Variants in GRM7 observed in about 807,000 individuals in gnomAD.
GRM7 encodes the protein metabotropic glutamate receptor 7.
GRM7 carries 35 observed loss-of-function variants against 84.5 expected under a neutral mutation model. The observed-to-expected ratio is 0.41, with a 90% CI of 0.32 to 0.55. The LOEUF (loss-of-function observed/expected upper bound fraction) is 0.55, where lower values mean the gene tolerates loss of function less well. GRM7 is among the 20% of genes least tolerant of loss of function. GRM7 has a pLI of 0.19. For missense variants in GRM7, 1,003 were observed against 1,194.6 expected, an observed-to-expected ratio of 0.84 and a Z score of 2.36; for synonymous variants, 487 against 455.1, an observed-to-expected ratio of 1.07 and a Z score of -0.89.
chr3:7,740,468 G>C lies in GRM7; in HGVS notation c.*62G>C. The C allele has an allele frequency of 4.2e-6, 4 of 955,338 alleles. No homozygotes were observed. 59.2% of individuals were successfully genotyped at this position (955,338 alleles called of 1,614,324 possible). A position where few individuals can be genotyped will look rare whatever the true frequency, so the allele number is the denominator to read the frequency against. On this transcript the variant is annotated 3_prime_UTR_variant, in exon 10 of 10. Coordinates refer to ENST00000357716, the MANE Select transcript of GRM7 (RefSeq NM_000844.4). Reference sequence around the variant, plus strand: ...CCTCAGTTATTTTGTCACCCAACCTGGCATAGGACTCTTTGGTCCTACCCG... The same window carrying C: ...CCTCAGTTATTTTGTCACCCAACCTCGCATAGGACTCTTTGGTCCTACCCG...
At chr3:7,703,888 C>A (rs1328800015) in intron 9 of GRM7, among the ~76,000 whole-genome samples, 1 of 152,140 alleles carries the variant, frequency 6.6e-6, no homozygotes, top group Non-Finnish European at 1.5e-5. Flanking sequence ...AAATGATTAC[C>A]TATAAGCTGT....
chr3:7,091,855 C>T (rs1417566626), intron 1 of GRM7, among the ~76,000 whole-genome samples: 2 of 150,906 alleles, frequency 1.3e-5, no homozygotes, highest in Non-Finnish European at 2.9e-5. Context: ...GAAGTTTTTG[C>T]CTTAACACAA....
chr3:7,378,811 C>A (rs1472111622), intron 4 of GRM7, among the ~76,000 whole-genome samples: 2 of 152,130 alleles, frequency 1.3e-5, no homozygotes, highest in Non-Finnish European at 2.9e-5. Flanking sequence ...ACATTTGATT[C>A]ATCTATCTTT....
intron 2 of GRM7, among the ~76,000 whole-genome samples, chr3:7,264,795 C>T (rs1472730266): frequency 1.6e-4 from 6 of 38,026 alleles, no homozygotes; most frequent in South Asian, 1.6e-3. Context: ...TCCAGTACTG[C>T]GGTACTTCCA....
chr3:7,417,721 T>C (rs901630169), intron 5 of GRM7, among the ~76,000 whole-genome samples: 2 of 152,162 alleles, frequency 1.3e-5, no homozygotes, highest in African/African-American at 2.4e-5. Flanking sequence ...GGAAGTCTTA[T>C]TAATATAACA....
chr3:7,730,415 T>TGTCAGATACA (rs1702284305), intron 9 of GRM7, among the ~76,000 whole-genome samples: 3 of 152,204 alleles, frequency 2.0e-5, no homozygotes, highest in African/African-American at 7.2e-5. Context: ...TACATCCCTA[T>TGTCAGATACA]TGCCTAAAAC....
At chr3:7,412,130 A>G (rs1427170908) in intron 4 of GRM7, among the ~76,000 whole-genome samples, 1 of 151,914 alleles carries the variant, frequency 6.6e-6, no homozygotes, top group Admixed American at 6.6e-5. Flanking sequence ...TATGCCTATG[A>G]TGTGCCAGGA....
intron 5 of GRM7, among the ~76,000 whole-genome samples, chr3:7,438,535 C>T (rs1697151769): frequency 6.6e-6 from 1 of 152,008 alleles, no homozygotes; most frequent in African/African-American, 2.4e-5. Context: ...AAGGACAGTG[C>T]AGTACCTCTG....
chr3:7,024,994 C>G (rs1695925538), intron 1 of GRM7, among the ~76,000 whole-genome samples: 1 of 152,176 alleles, frequency 6.6e-6, no homozygotes, highest in South Asian at 2.1e-4. Context: ...GTGTTCCAAT[C>G]TGGACACTCT....
chr3:7,636,533 G>A (rs1386705041), intron 8 of GRM7: 1 of 207,970 alleles, frequency 4.8e-6, no homozygotes, highest in African/African-American at 2.3e-5. Flanking sequence ...CATAAGGAAA[G>A]TGACTTGGGA....
chr3:7,664,421 C>G (rs1559473326), intron 8 of GRM7, among the ~76,000 whole-genome samples: 1 of 152,174 alleles, frequency 6.6e-6, no homozygotes, highest in Non-Finnish European at 1.5e-5. Context: ...GTAAAGGGGT[C>G]AGACTTTTCT....
chr3:7,040,611 T>C (rs1696565058), intron 1 of GRM7, among the ~76,000 whole-genome samples: 1 of 151,832 alleles, frequency 6.6e-6, no homozygotes, highest in African/African-American at 2.4e-5. Flanking sequence ...CCTGTCTCTA[T>C]AAACTCTTAA....
chr3:7,080,113 C>G (rs932688961), intron 1 of GRM7, among the ~76,000 whole-genome samples: 1 of 151,994 alleles, frequency 6.6e-6, no homozygotes, highest in Non-Finnish European at 1.5e-5. Flanking sequence ...GTCTTTATTT[C>G]TCTCCTTCCC....
intron 7 of GRM7, among the ~76,000 whole-genome samples, chr3:7,490,174 A>G (rs1016934770): frequency 2.6e-5 from 4 of 152,172 alleles, no homozygotes; most frequent in Admixed American, 6.6e-5. Flanking sequence ...ATGAAAGATA[A>G]TATAATACAA....
intron 1 of GRM7, among the ~76,000 whole-genome samples, chr3:7,058,026 C>T (rs1697292769): frequency 6.6e-6 from 1 of 151,864 alleles, no homozygotes; most frequent in Admixed American, 6.6e-5. Flanking sequence ...AGTAAAATTT[C>T]CTGGAGCTAT....
At chr3:7,053,914 A>T (rs1369826047) in intron 1 of GRM7, among the ~76,000 whole-genome samples, 1 of 151,034 alleles carries the variant, frequency 6.6e-6, no homozygotes, top group Non-Finnish European at 1.5e-5. Context: ...TCAAATTTTG[A>T]TTGGGATTAT....
intron 9 of GRM7, chr3:7,691,373 C>G (rs1483902589): frequency 1.2e-5 from 8 of 648,266 alleles, no homozygotes; most frequent in Middle Eastern, 3.2e-4. Flanking sequence ...CATGTGCTAT[C>G]TTTTTCTCTG....
At position 6,877,822 on chromosome 3, in the gene GRM7, C is replaced by G. The variant is rs1017263519; in HGVS notation, c.519+15915C>G. ...CCTACACAGATATCACACACACACA[C>G]ACACACACACACACACACACACACA... On this transcript the variant is annotated intron_variant, in intron 1 of 9. Coordinates refer to ENST00000357716, the MANE Select transcript of GRM7 (RefSeq NM_000844.4). 2.4e-5 allele frequency among the ~76,000 whole-genome samples: 3 copies of G among 125,932 alleles called. 1 individual carries two copies. In the South Asian group the frequency reaches 7.5e-4, roughly 32 times the overall value. The allele number at this position is 125,932 out of a possible 152,430, so 82.6% of individuals were successfully genotyped here.
intron 2 of GRM7, among the ~76,000 whole-genome samples, chr3:7,229,722 C>CATATATATATATATAT (rs772166647): frequency 1.3e-3 from 33 of 25,724 alleles, no homozygotes; most frequent in Middle Eastern, 0.028. Flanking sequence ...TCCATAGACA[C>CATATATATATATATAT]ACACATATAT....
Sources: allele counts gnomAD v4.1 joint callset (sites outside exome capture counted in the v4.1 genomes callset), GRCh38; gene constraint gnomAD v4.1.1; transcripts MANE v1.5; gene names NCBI Gene and HGNC (gene_info 2026-07-23, HGNC 2026-07-21).